The following RGS18 variants were observed in gnomAD, a reference collection of about 807,000 sequenced individuals.
RGS18 encodes the protein regulator of G-protein signaling 18.
A neutral mutation model predicts 27.6 loss-of-function variants in RGS18; 22 were observed. The observed-to-expected ratio is 0.80, with a 90% confidence interval of 0.57 to 1.14. The LOEUF is 1.14. Ranked by LOEUF, RGS18 falls within the 50% of genes most tolerant of loss-of-function variation. The pLI is 0.00. For missense variants in RGS18, 299 were observed against 269.6 expected, an observed-to-expected ratio of 1.11 and a Z score of -0.76; for synonymous variants, 89 against 84.6, an observed-to-expected ratio of 1.05 and a Z score of -0.29.
At position 192,159,335 on chromosome 1, in the gene RGS18, C is replaced by A; in HGVS notation, c.221+14C>A. 1 of 1,571,908 alleles carries A rather than the reference C, an allele frequency of 6.4e-7. No homozygotes were observed. The highest frequency in any genetic ancestry group is 8.7e-7 in the Non-Finnish European group (1 of 1,142,906). On this transcript the variant is annotated intron_variant, in intron 2 of 4. Coordinates refer to ENST00000367460, the MANE Select transcript of RGS18 (RefSeq NM_130782.3). The stretch of plus-strand genomic sequence containing the variant: ...CAAAGAAACAAGGTGAATAAATTTT[C>A]AGTATTTTGAGGAAGATTTTGCTGA...
At chr1:192,173,761 T>G (rs1408057448) in intron 3 of RGS18, among the ~76,000 whole-genome samples, 1 of 151,838 alleles carries the variant, frequency 6.6e-6, no homozygotes, top group African/African-American at 2.4e-5. Context: ...GTTTGTAATA[T>G]ATGTAAGATC....
intron 3 of RGS18, among the ~76,000 whole-genome samples, chr1:192,175,740 A>G (rs1341664939): frequency 6.6e-6 from 1 of 151,902 alleles, no homozygotes; most frequent in Admixed American, 6.6e-5. Context: ...GGAAAACTGC[A>G]TGGAGGCTTC....
chr1:192,180,779 C>G (rs1356590841), intron 3 of RGS18, among the ~76,000 whole-genome samples: 1 of 151,614 alleles, frequency 6.6e-6, no homozygotes, highest in Non-Finnish European at 1.5e-5. Flanking sequence ...TGTTCATACT[C>G]GGGCCTATGG....
intron 3 of RGS18, among the ~76,000 whole-genome samples, chr1:192,179,514 A>C (rs1656414055): frequency 6.6e-6 from 1 of 151,622 alleles, no homozygotes; most frequent in Non-Finnish European, 1.5e-5. Flanking sequence ...TGTTTATAGC[A>C]GATTTATTTG....
intron 3 of RGS18, among the ~76,000 whole-genome samples, chr1:192,179,961 G>A (rs1478358527): frequency 6.6e-6 from 1 of 151,666 alleles, no homozygotes; most frequent in Non-Finnish European, 1.5e-5. Context: ...ACTGGATAAA[G>A]AGTACACGGG....
intron 3 of RGS18, among the ~76,000 whole-genome samples, chr1:192,166,740 C>T (rs974183705): frequency 5.9e-5 from 9 of 151,952 alleles, no homozygotes; most frequent in East Asian, 5.8e-4. Context: ...GTAATAGATG[C>T]GAAATAGAGG....
chr1:192,164,207 A>C (rs1381140561), intron 3 of RGS18, among the ~76,000 whole-genome samples: 3 of 152,178 alleles, frequency 2.0e-5, no homozygotes, highest in African/African-American at 7.2e-5. Flanking sequence ...TTAGGGGATT[A>C]ATCAAAATTC....
At chr1:192,181,225 T>C (rs1333668938) in intron 3 of RGS18, 67 bp from the exon 4 acceptor site, 1 of 882,414 alleles carries the variant, frequency 1.1e-6, no homozygotes, top group Non-Finnish European at 1.7e-6. Flanking sequence ...TTATGTTTTA[T>C]TATCAATCAG....
intron 1 of RGS18, among the ~76,000 whole-genome samples, 187 bp downstream of exon 1, chr1:192,158,943 A>G (rs1338824345): frequency 6.6e-6 from 1 of 152,138 alleles, no homozygotes; most frequent in Non-Finnish European, 1.5e-5. Flanking sequence ...AAGTGTTCTC[A>G]TTAAAAAAAA....
chr1:192,183,803 T>C, intron 4 of RGS18, among the ~76,000 whole-genome samples: 1 of 151,662 alleles, frequency 6.6e-6, no homozygotes, highest in East Asian at 1.9e-4. Flanking sequence ...CAGAAATATC[T>C]GAGCCTAGGT....
At chr1:192,158,826 T>A (rs985877815) in intron 1 of RGS18, 70 bp downstream of exon 1, 1 of 1,087,042 alleles carries the variant, frequency 9.2e-7, no homozygotes, top group African/African-American at 1.6e-5. Flanking sequence ...ATTCATTACC[T>A]CTTGTTTTTG....
intron 4 of RGS18, 46 bp from the exon 5 acceptor site, chr1:192,184,251 A>C (rs763412700): frequency 6.4e-6 from 10 of 1,555,250 alleles, no homozygotes; most frequent in African/African-American, 2.7e-5. Flanking sequence ...AAAGTTGTTT[A>C]TATAAGCATA....
At chr1:192,160,483 A>G (rs1301667899) in intron 3 of RGS18, 44 bp downstream of exon 3, 1 of 1,412,702 alleles carries the variant, frequency 7.1e-7, no homozygotes, top group African/African-American at 1.4e-5. Context: ...TTAATGGAAA[A>G]TTACACAAAC....
In RGS18 at chr1:192,159,320, A is replaced by C. The variant is rs1157046978; in HGVS notation, c.220A>C (p.Arg74=). The C allele has an allele frequency of 3.7e-6, 6 of 1,603,318 alleles. No homozygotes were observed. In the Admixed American group the frequency reaches 5.0e-5, roughly 13 times the overall value. The stretch of plus-strand genomic sequence containing the variant: ...ATCTGGGCACTTGGCCAAAGAAACA[A>C]GGTGAATAAATTTTCAGTATTTTGA... The part of the protein sequence containing the change: ...SRSGHLAKET[R]VSPEEAVKWG... The change falls in exon 2 of 5, where the codon AGA becomes CGA. Residue 74 remains arginine (R), a splice_region_variant and synonymous_variant. Coordinates refer to ENST00000367460, the MANE Select transcript of RGS18 (RefSeq NM_130782.3).
chr1:192,166,375 T>TG (rs1656162896), intron 3 of RGS18, among the ~76,000 whole-genome samples: 1 of 152,036 alleles, frequency 6.6e-6, no homozygotes, highest in Non-Finnish European at 1.5e-5. Flanking sequence ...TACTAAGAGA[T>TG]TTTGACATGA....
chr1:192,181,634 ATTGTATAATGAT>A (rs1656458595), intron 4 of RGS18, among the ~76,000 whole-genome samples, 176 bp downstream of exon 4: 1 of 151,630 alleles, frequency 6.6e-6, no homozygotes, highest in South Asian at 2.1e-4. Context: ...ATATGTATGC[ATTGTATAATGAT>A]AAAATCAGAG....
At chr1:192,167,533 C>T (rs1158882850) in intron 3 of RGS18, among the ~76,000 whole-genome samples, 1 of 152,064 alleles carries the variant, frequency 6.6e-6, no homozygotes, top group Admixed American at 6.6e-5. Flanking sequence ...GATTCTCCTG[C>T]CTCAGCCTCC....
chr1:192,183,347 A>G (rs1012113598), intron 4 of RGS18, among the ~76,000 whole-genome samples: 6 of 151,664 alleles, frequency 4.0e-5, no homozygotes, highest in African/African-American at 1.5e-4. Context: ...TCATCATAAC[A>G]TAATGAAATG....
chr1:192,173,741 A>G (rs1656310553), intron 3 of RGS18, among the ~76,000 whole-genome samples: 4 of 151,746 alleles, frequency 2.6e-5, no homozygotes, highest in Admixed American at 2.6e-4. Flanking sequence ...GTCATTCATA[A>G]TATTCACTTG....
Sources: allele counts gnomAD v4.1 joint callset (sites outside exome capture counted in the v4.1 genomes callset), GRCh38; gene constraint gnomAD v4.1.1; transcripts MANE v1.5; gene names NCBI Gene and HGNC (gene_info 2026-07-23, HGNC 2026-07-21).